Variants in RBM20 observed in about 807,000 individuals in gnomAD.
The protein encoded by RBM20 is RNA binding motif protein 20, also known as RNA-binding protein 20.
A neutral mutation model predicts 110.1 loss-of-function variants in RBM20; 51 were observed. That is an observed-to-expected ratio of 0.46 (90% CI 0.37 to 0.59). The LOEUF is 0.59. Ranked by LOEUF, RBM20 falls within the 20% of genes least tolerant of loss-of-function variation. RBM20 has a pLI of 0.00. For synonymous variants in RBM20, 589 were observed against 618.2 expected, an observed-to-expected ratio of 0.95 and a Z score of 0.70; for missense variants, 1,512 against 1,574.9, an observed-to-expected ratio of 0.96 and a Z score of 0.68.
chr10:110,667,602 C>T (rs769818455), intron 1 of RBM20, among the ~76,000 whole-genome samples: 3 of 152,160 alleles, frequency 2.0e-5, no homozygotes, highest in Non-Finnish European at 2.9e-5. Flanking sequence ...ATTTTCTCTC[C>T]TTTCTACCTT....
intron 8 of RBM20, 71 bp from the exon 9 acceptor site, chr10:110,812,203 CTGTG>C: frequency 7.8e-7 from 1 of 1,286,080 alleles, no homozygotes; most frequent in Non-Finnish European, 1.1e-6. Context: ...AAGACAGAGA[CTGTG>C]TGTCTGTGTG....
chr10:110,793,011 T>C (rs1244707779), intron 5 of RBM20, among the ~76,000 whole-genome samples: 1 of 152,188 alleles, frequency 6.6e-6, no homozygotes, highest in Non-Finnish European at 1.5e-5. Flanking sequence ...TCTTGGGGTT[T>C]AGCTTGTCAA....
Position 110,820,033 on chromosome 10 carries a change from C to T in RBM20, c.2551-39C>T, listed in dbSNP as rs143080581. On this transcript the variant is annotated intron_variant, in intron 9 of 13. Transcript: ENST00000369519. Reference sequence around the variant, plus strand: ...TTTTTTTCTTCTCCCTGTCACTGCTCACTGTTGATTTGGTTTGCTCTGTTC... The same window carrying T: ...TTTTTTTCTTCTCCCTGTCACTGCTTACTGTTGATTTGGTTTGCTCTGTTC... 673 of 1,317,826 alleles carry T rather than the reference C, an allele frequency of 5.1e-4. 1 individual carries two copies. The highest frequency in any genetic ancestry group is 2.6e-3 in the Middle Eastern group (14 of 5,464). 81.6% of individuals were successfully genotyped at this position (1,317,826 alleles called of 1,614,324 possible). A position where few individuals can be genotyped will look rare whatever the true frequency, so the allele number is the denominator to read the frequency against.
intron 1 of RBM20, among the ~76,000 whole-genome samples, chr10:110,697,943 T>C (rs528843866): frequency 2.0e-5 from 3 of 151,290 alleles, no homozygotes; most frequent in Admixed American, 6.6e-5. Context: ...AGTCTCACTC[T>C]GTCGCCCGGG....
chr10:110,794,205 A>G (rs558786160), intron 5 of RBM20, among the ~76,000 whole-genome samples: 1 of 152,366 alleles, frequency 6.6e-6, no homozygotes, highest in Non-Finnish European at 1.5e-5. Flanking sequence ...AATAGAGTGA[A>G]AACAGCTACT....
chr10:110,651,970 C>T (rs1861956072), intron 1 of RBM20, among the ~76,000 whole-genome samples: 1 of 152,162 alleles, frequency 6.6e-6, no homozygotes, highest in African/African-American at 2.4e-5. Flanking sequence ...AGAGAGAAGT[C>T]TGTGATTAAA....
At chr10:110,685,642 G>A (rs1397316147) in intron 1 of RBM20, among the ~76,000 whole-genome samples, 1 of 152,110 alleles carries the variant, frequency 6.6e-6, no homozygotes, top group Non-Finnish European at 1.5e-5. Flanking sequence ...GGCACAGAGG[G>A]AGTTCTACCG....
In RBM20 at chr10:110,712,359, A is replaced by G. The variant is rs376636427; in HGVS notation, c.191+67714A>G. The stretch of plus-strand genomic sequence containing the variant: ...TCAGTAGTAATCATTGTGAACAGAG[A>G]TGATTCTTTTAAAATTAAAAGCTAC... On this transcript the variant is annotated intron_variant, in intron 1 of 13. Transcript: ENST00000369519. Among the ~76,000 whole-genome samples the G allele has an allele frequency of 4.6e-5, 7 of 152,216 alleles. No individual in the cohort carries two copies. In the East Asian group the frequency reaches 5.8e-4, roughly 13 times the overall value.
At chr10:110,688,598 A>T (rs1214450913) in intron 1 of RBM20, among the ~76,000 whole-genome samples, 2 of 152,190 alleles carry the variant, frequency 1.3e-5, no homozygotes, top group Non-Finnish European at 2.9e-5. Context: ...ATTATCAAAC[A>T]TCCTTCTTCC....
intron 1 of RBM20, among the ~76,000 whole-genome samples, chr10:110,715,882 T>C (rs1468247243): frequency 6.6e-6 from 1 of 152,118 alleles, no homozygotes; most frequent in African/African-American, 2.4e-5. Context: ...CCATAACTAA[T>C]CACATGGTCC....
intron 1 of RBM20, among the ~76,000 whole-genome samples, chr10:110,725,189 G>A (rs933590861): frequency 6.6e-6 from 1 of 152,164 alleles, no homozygotes; most frequent in Non-Finnish European, 1.5e-5. Context: ...GTGTACTAGT[G>A]GTGCTAACAT....
At chr10:110,809,218 T>TAAAAAA (rs60697105) in intron 7 of RBM20, among the ~76,000 whole-genome samples, 10 of 60,724 alleles carry the variant, frequency 1.6e-4, no homozygotes, top group Non-Finnish European at 2.8e-4. Context: ...CCCCGTTTCT[T>TAAAAAA]AAAAAAAAAA....
At chr10:110,680,506 T>C (rs1400507532) in intron 1 of RBM20, among the ~76,000 whole-genome samples, 1 of 152,168 alleles carries the variant, frequency 6.6e-6, no homozygotes, top group African/African-American at 2.4e-5. Context: ...TCTCATCTGT[T>C]CTCCTGGGCT....
intron 1 of RBM20, among the ~76,000 whole-genome samples, chr10:110,775,905 A>G (rs1206968121): frequency 6.6e-6 from 1 of 152,220 alleles, no homozygotes; most frequent in East Asian, 1.9e-4. Context: ...GAAGTCATCA[A>G]GGAGCTGCCT....
chr10:110,719,312 C>T (rs1295095267), intron 1 of RBM20, among the ~76,000 whole-genome samples: 2 of 152,244 alleles, frequency 1.3e-5, no homozygotes, highest in Non-Finnish European at 2.9e-5. Flanking sequence ...TTCCTCTGAA[C>T]ACTGGCAGAG....
chr10:110,810,826 TGTGTGTGTGCATGTGTGTGC>T (rs1197520381), intron 8 of RBM20, among the ~76,000 whole-genome samples: 1 of 141,576 alleles, frequency 7.1e-6, no homozygotes, highest in African/African-American at 2.6e-5. Context: ...CGTGTGTGCG[TGTGTGTGTGCATGTGTGTGC>T]GTGTGTGTGT....
chr10:110,681,200 G>T (rs1862419126), intron 1 of RBM20, among the ~76,000 whole-genome samples: 1 of 152,166 alleles, frequency 6.6e-6, no homozygotes, highest in Admixed American at 6.5e-5. Context: ...AACTGGCCCG[G>T]AATCCCAGGG....
At chr10:110,646,405 T>C (rs191957197) in intron 1 of RBM20, among the ~76,000 whole-genome samples, 468 of 152,342 alleles carry the variant, frequency 3.1e-3, no homozygotes, top group Non-Finnish European at 5.1e-3. Context: ...ATCTTTGGAA[T>C]ATCTAATTTT....
chr10:110,799,502 A>C (rs1844594110), intron 6 of RBM20, among the ~76,000 whole-genome samples: 3 of 152,172 alleles, frequency 2.0e-5, no homozygotes. Context: ...CATAATGTAC[A>C]CTCATCCTAA....
Sources: allele counts gnomAD v4.1 joint callset (sites outside exome capture counted in the v4.1 genomes callset), GRCh38; gene constraint gnomAD v4.1.1; transcripts MANE v1.5; gene names NCBI Gene and HGNC (gene_info 2026-07-23, HGNC 2026-07-21).